CSMD1: variants seen among roughly 807,000 people sequenced by gnomAD.
CSMD1 encodes CUB and sushi domain-containing protein 1.
A neutral mutation model predicts 417.5 loss-of-function variants in CSMD1; 213 were observed. The ratio of observed to expected loss-of-function variants is 0.51; its 90% confidence interval spans 0.46 to 0.57. CSMD1 has a LOEUF of 0.57. Among genes scored for constraint, CSMD1 ranks in the 20% least tolerant of loss-of-function variants. CSMD1 has a pLI of 0.00. For synonymous variants in CSMD1, 2,862 were observed against 1,736.8 expected, an observed-to-expected ratio of 1.65 and a Z score of -16.11; for missense variants, 6,923 against 4,529.7, an observed-to-expected ratio of 1.53 and a Z score of -15.17.
At chr8:3,795,170 C>T (rs1337173635) in intron 5 of CSMD1, among the ~76,000 whole-genome samples, 1 of 81,504 alleles carries the variant, frequency 1.2e-5, no homozygotes, top group Non-Finnish European at 2.5e-5. Flanking sequence ...AGATACCTAT[C>T]ATGTACAGCT....
At chr8:4,817,199 CT>C (rs1289499670) in intron 1 of CSMD1, among the ~76,000 whole-genome samples, 1 of 152,118 alleles carries the variant, frequency 6.6e-6, no homozygotes, top group Non-Finnish European at 1.5e-5. Context: ...TATTACTGTG[CT>C]CCTATATGTA....
At chr8:3,924,112 G>A (rs191279237) in intron 5 of CSMD1, among the ~76,000 whole-genome samples, 3 of 152,132 alleles carry the variant, frequency 2.0e-5, no homozygotes, top group Non-Finnish European at 4.4e-5. Context: ...TCTTGTTGAT[G>A]CGGGAAAATC....
At chr8:3,447,930 T>C (rs1815403970) in intron 12 of CSMD1, among the ~76,000 whole-genome samples, 1 of 152,126 alleles carries the variant, frequency 6.6e-6, no homozygotes, top group Admixed American at 6.5e-5. Context: ...CTATTTTCTC[T>C]GTCATTTACA....
intron 5 of CSMD1, among the ~76,000 whole-genome samples, chr8:3,992,858 G>A (rs969272002): frequency 3.3e-5 from 5 of 152,344 alleles, no homozygotes; most frequent in South Asian, 2.1e-4. Flanking sequence ...ATTGCTGCGT[G>A]GTCTCCTCCA....
At chr8:3,814,673 G>A (rs28623021) in intron 5 of CSMD1, among the ~76,000 whole-genome samples, 4,146 of 152,280 alleles carry the variant, frequency 0.027, 184 homozygotes, top group African/African-American at 0.095. Flanking sequence ...ATAGTGCTGA[G>A]ATGGAGACAT....
chr8:2,961,576 T>A (rs888364109), intron 61 of CSMD1, among the ~76,000 whole-genome samples: 1 of 152,200 alleles, frequency 6.6e-6, no homozygotes, highest in Non-Finnish European at 1.5e-5. Flanking sequence ...TAATTGGCCA[T>A]CTCATTTGGT....
chr8:3,173,228 T>A (rs2129044606), intron 37 of CSMD1, among the ~76,000 whole-genome samples: 1 of 152,306 alleles, frequency 6.6e-6, no homozygotes, highest in South Asian at 2.1e-4. Context: ...TTATTAGTTT[T>A]TTGTGTTACA....
intron 5 of CSMD1, among the ~76,000 whole-genome samples, chr8:3,964,331 A>G (rs1169959932): frequency 6.6e-6 from 1 of 152,202 alleles, no homozygotes; most frequent in East Asian, 1.9e-4. Flanking sequence ...TCATTGTGTC[A>G]CCGTGACTTA....
At chr8:3,314,449 A>C (rs1047360459) in intron 23 of CSMD1, among the ~76,000 whole-genome samples, 4 of 152,186 alleles carry the variant, frequency 2.6e-5, no homozygotes, top group Non-Finnish European at 5.9e-5. Context: ...GTCTGCAATT[A>C]TTCAGGGCAC....
At chr8:3,615,508 G>C (rs778565510) in intron 8 of CSMD1, among the ~76,000 whole-genome samples, 2 of 152,130 alleles carry the variant, frequency 1.3e-5, no homozygotes, top group Admixed American at 1.3e-4. Flanking sequence ...ATGTGTAATA[G>C]TTAACCTATA....
At chr8:3,778,515 A>G (rs931508707) in intron 5 of CSMD1, among the ~76,000 whole-genome samples, 1 of 152,102 alleles carries the variant, frequency 6.6e-6, no homozygotes, top group African/African-American at 2.4e-5. Flanking sequence ...CCTACCTTCT[A>G]CAAGAACGCT....
chr8:3,887,974 T>C (rs984875438), intron 5 of CSMD1, among the ~76,000 whole-genome samples: 1 of 152,214 alleles, frequency 6.6e-6, no homozygotes, highest in Admixed American at 6.6e-5. Context: ...GAAAACAAGC[T>C]TGTCAGGATT....
chr8:2,963,504 A>G, intron 59 of CSMD1, 109 bp from the exon 60 acceptor site: 1 of 1,059,284 alleles, frequency 9.4e-7, no homozygotes, highest in Non-Finnish European at 1.4e-6. Context: ...ACATCTACAT[A>G]GGTTTTTAAA....
chr8:4,022,935 G>A (rs527793686), intron 4 of CSMD1, among the ~76,000 whole-genome samples: 2 of 152,162 alleles, frequency 1.3e-5, no homozygotes, highest in African/African-American at 4.8e-5. Context: ...AGTAATGAGA[G>A]AAAAATAAGG....
At chr8:3,569,305 C>T (rs888590460) in intron 10 of CSMD1, among the ~76,000 whole-genome samples, 41 of 152,234 alleles carry the variant, frequency 2.7e-4, no homozygotes, top group African/African-American at 9.4e-4. Context: ...TAGGGAGATG[C>T]TAAGATTCCG....
intron 6 of CSMD1, among the ~76,000 whole-genome samples, chr8:3,721,721 G>A (rs905051766): frequency 1.3e-5 from 2 of 152,098 alleles, no homozygotes; most frequent in South Asian, 4.1e-4. Flanking sequence ...GAAAGTTAAT[G>A]GGGTGAAAAA....
At chr8:4,917,082 G>T (rs1433444596) in intron 1 of CSMD1, among the ~76,000 whole-genome samples, 1 of 152,152 alleles carries the variant, frequency 6.6e-6, no homozygotes, top group Non-Finnish European at 1.5e-5. Context: ...ACTATCTATA[G>T]GAAGCACGGC....
At chr8:4,629,683 T>C (rs1802391588) in intron 2 of CSMD1, among the ~76,000 whole-genome samples, 1 of 152,192 alleles carries the variant, frequency 6.6e-6, no homozygotes, top group Admixed American at 6.5e-5. Context: ...ATTTTTATTT[T>C]CCATATTAAT....
chr8:3,175,396 T>TTTTCTACTTCCACTTCCTTCTTTCCTTTC (rs1281872234), intron 37 of CSMD1, among the ~76,000 whole-genome samples: 12 of 152,104 alleles, frequency 7.9e-5, no homozygotes, highest in Non-Finnish European at 1.3e-4. Context: ...TCTATCAGGA[T>TTTTCTACTTCCACTTCCTTCTTTCCTTTC]TTTCTACTTC....
Sources: gnomAD v4.1 joint callset for allele counts (sites outside exome capture counted in the v4.1 genomes callset) on GRCh38, gnomAD v4.1.1 for gene constraint, MANE v1.5 for transcripts, NCBI Gene and HGNC (gene_info 2026-07-23, HGNC 2026-07-21) for gene names.